Variants in EFNB2 observed in about 807,000 individuals in gnomAD.
The protein encoded by EFNB2 is ephrin B2, also known as ephrin-B2.
Under a neutral mutation model 32.1 loss-of-function variants are expected in EFNB2, and 5 were observed. The observed-to-expected ratio is 0.16, with a 90% CI of 0.08 to 0.33. EFNB2 has a LOEUF of 0.33. EFNB2 is among the 10% of genes least tolerant of loss of function. EFNB2 has a pLI of 1.00. For synonymous variants in EFNB2, 168 were observed against 166.5 expected (o/e 1.01, Z -0.07); for missense variants, 263 against 422.6 (o/e 0.62, Z 3.31).
intron 1 of EFNB2, among the ~76,000 whole-genome samples, chr13:106,526,017 A>C (rs1175880538): frequency 6.6e-6 from 1 of 152,076 alleles, no homozygotes; most frequent in Non-Finnish European, 1.5e-5. Flanking sequence ...CATGGCCCTG[A>C]GGCAGCAGTT....
At chr13:106,523,050 G>A (rs1374041612) in intron 1 of EFNB2, among the ~76,000 whole-genome samples, 1 of 152,190 alleles carries the variant, frequency 6.6e-6, no homozygotes, top group Non-Finnish European at 1.5e-5. Flanking sequence ...TTTACAAGCA[G>A]GCTGCTTCAC....
At chr13:106,532,492 T>C (rs1426667073) in intron 1 of EFNB2, among the ~76,000 whole-genome samples, 2 of 152,134 alleles carry the variant, frequency 1.3e-5, no homozygotes, top group African/African-American at 4.8e-5. Flanking sequence ...GAAATAAATA[T>C]AAAACTTCCC....
At chr13:106,509,073 C>T (rs954786677) in intron 2 of EFNB2, among the ~76,000 whole-genome samples, 22 of 152,122 alleles carry the variant, frequency 1.4e-4, no homozygotes, top group Non-Finnish European at 2.1e-4. Context: ...TGGAGGAGAC[C>T]GCCATCATTA....
intron 1 of EFNB2, among the ~76,000 whole-genome samples, chr13:106,527,945 T>G (rs1243181369): frequency 1.3e-5 from 2 of 152,222 alleles, no homozygotes; most frequent in African/African-American, 4.8e-5. Flanking sequence ...GCCATAAATA[T>G]GCACCAGTCT....
chr13:106,522,489 C>G (rs1879556742), intron 1 of EFNB2, among the ~76,000 whole-genome samples: 1 of 152,176 alleles, frequency 6.6e-6, no homozygotes, highest in Non-Finnish European at 1.5e-5. Flanking sequence ...AATCCATTTG[C>G]TCATTTACCT....
intron 2 of EFNB2, among the ~76,000 whole-genome samples, chr13:106,510,633 C>T (rs1879113435): frequency 6.6e-6 from 1 of 151,084 alleles, no homozygotes; most frequent in Non-Finnish European, 1.5e-5. Context: ...GGGCATTAAC[C>T]TTCTTAATAA....
intron 1 of EFNB2, among the ~76,000 whole-genome samples, chr13:106,534,084 G>C (rs1020423125): frequency 6.6e-6 from 1 of 152,172 alleles, no homozygotes; most frequent in African/African-American, 2.4e-5. Context: ...ACTGGGCAGG[G>C]CCCTAAGCTT....
chr13:106,527,581 G>A (rs544497262), intron 1 of EFNB2, among the ~76,000 whole-genome samples: 12 of 152,270 alleles, frequency 7.9e-5, no homozygotes, highest in African/African-American at 2.6e-4. Context: ...GAATGCTTTG[G>A]ACTAGAATTA....
intron 2 of EFNB2, among the ~76,000 whole-genome samples, chr13:106,507,296 A>G (rs1434098907): frequency 6.6e-6 from 1 of 152,204 alleles, no homozygotes; most frequent in African/African-American, 2.4e-5. Context: ...ATTATTCTAT[A>G]TTCTAAAAGA....
intron 2 of EFNB2, 135 bp downstream of exon 2, chr13:106,512,394 G>GGC (rs1378321807): frequency 9.0e-6 from 5 of 554,114 alleles, no homozygotes; most frequent in African/African-American, 2.1e-5. Flanking sequence ...AAAAAAAAAG[G>GGC]GGGGGGGGAC....
intron 2 of EFNB2, among the ~76,000 whole-genome samples, chr13:106,499,724 T>G (rs1028344995): frequency 2.6e-5 from 4 of 152,006 alleles, no homozygotes; most frequent in Admixed American, 2.6e-4. Flanking sequence ...AGGAAAAAAA[T>G]AGACTTTACA....
chr13:106,524,592 G>A (rs550924055), intron 1 of EFNB2, among the ~76,000 whole-genome samples: 14 of 152,300 alleles, frequency 9.2e-5, no homozygotes, highest in African/African-American at 2.6e-4. Flanking sequence ...ATAAAACAAC[G>A]TCCACCAGTT....
chr13:106,522,055 C>CA (rs149485810), intron 1 of EFNB2, among the ~76,000 whole-genome samples: 6,700 of 145,256 alleles, frequency 0.046, 201 homozygotes, highest in Middle Eastern at 0.074. Flanking sequence ...ACCAAAAAAA[C>CA]AAAAAAAAAA....
intron 2 of EFNB2, among the ~76,000 whole-genome samples, chr13:106,502,674 T>C (rs1415570663): frequency 6.6e-6 from 1 of 152,142 alleles, no homozygotes; most frequent in African/African-American, 2.4e-5. Context: ...AAACACCACA[T>C]CTAGAACAGG....
chr13:106,528,815 C>T (rs1055710146), intron 1 of EFNB2, among the ~76,000 whole-genome samples: 4 of 152,124 alleles, frequency 2.6e-5, no homozygotes, highest in Non-Finnish European at 5.9e-5. Flanking sequence ...GGAGAGAGGG[C>T]GGGAAGACTC....
chr13:106,510,718 A>G (rs1055475090), intron 2 of EFNB2, among the ~76,000 whole-genome samples: 12 of 152,230 alleles, frequency 7.9e-5, no homozygotes, highest in South Asian at 4.1e-4. Context: ...TCTTACTTTA[A>G]AAGTCTTTAC....
chr13:106,504,816 G>A (rs958927255), intron 2 of EFNB2, among the ~76,000 whole-genome samples: 11 of 152,198 alleles, frequency 7.2e-5, no homozygotes, highest in African/African-American at 2.6e-4. Flanking sequence ...GGAATTTGAA[G>A]TCTCATACCA....
In EFNB2 at chr13:106,492,992, G is replaced by A; in HGVS notation, c.*48C>T. On this transcript the variant is annotated 3_prime_UTR_variant, in exon 5 of 5. Coordinates refer to ENST00000646441, the MANE Select transcript of EFNB2 (RefSeq NM_004093.4). The surrounding 1 kb of genome is among the most constrained non-coding windows in gnomAD (Gnocchi z 5.1). ...TCTCAAACCCTCAAGGGAGGCATCG[G>A]GACATTAGGTGTCCTCTGGGAAAGC... 1 of 1,555,316 alleles carries A rather than the reference G, an allele frequency of 6.4e-7. No homozygotes were observed. The highest frequency in any genetic ancestry group is 8.7e-7 in the Non-Finnish European group (1 of 1,150,386).
chr13:106,527,161 T>C (rs763014779), intron 1 of EFNB2, among the ~76,000 whole-genome samples: 3 of 152,022 alleles, frequency 2.0e-5, no homozygotes, highest in Non-Finnish European at 4.4e-5. Flanking sequence ...GCAGTGGCAA[T>C]GGGGACGTGG....
Sources: gnomAD v4.1 joint callset for allele counts (sites outside exome capture counted in the v4.1 genomes callset) on GRCh38, gnomAD v4.1.1 for gene constraint, Gnocchi (gnomAD v3.1) non-coding constraint, MANE v1.5 for transcripts, NCBI Gene and HGNC (gene_info 2026-07-23, HGNC 2026-07-21) for gene names.